Variants in FOCAD observed in about 807,000 individuals in gnomAD.
FOCAD encodes focadhesin.
A neutral mutation model predicts 225.6 loss-of-function variants in FOCAD; 198 were observed. The observed-to-expected ratio is 0.88, with a 90% CI of 0.78 to 0.99. The LOEUF is 0.99. Among genes scored for constraint, FOCAD ranks in the 50% least tolerant of loss-of-function variants. The pLI, the probability that FOCAD is intolerant of heterozygous loss-of-function variation, is 0.00. For synonymous variants in FOCAD, 897 were observed against 755.0 expected (o/e 1.19, Z -3.08); for missense variants, 2,713 against 2,123.6 (o/e 1.28, Z -5.46).
chr9:20,829,413 ATC>A (rs1587330427), intron 15 of FOCAD, among the ~76,000 whole-genome samples: 1 of 135,558 alleles, frequency 7.4e-6, no homozygotes, highest in Admixed American at 7.9e-5. Flanking sequence ...ACTTTTTATT[ATC>A]TGTTTTTTTT....
At chr9:20,986,486 A>C (rs372164196) in intron 40 of FOCAD, 21 bp downstream of exon 40, 8 of 1,569,544 alleles carry the variant, frequency 5.1e-6, no homozygotes, top group Non-Finnish European at 6.9e-6. Context: ...CCTGGGGTGA[A>C]CATCAGAAAC....
chr9:20,856,211 A>T (rs1828165059), intron 15 of FOCAD, among the ~76,000 whole-genome samples: 1 of 151,948 alleles, frequency 6.6e-6, no homozygotes, highest in African/African-American at 2.4e-5. Context: ...TTACATTCCT[A>T]CCAACAGTGT....
At chr9:20,814,121 A>G (rs985192862) in intron 11 of FOCAD, among the ~76,000 whole-genome samples, 2 of 151,914 alleles carry the variant, frequency 1.3e-5, no homozygotes, top group Admixed American at 6.6e-5. Context: ...TTATAGTGGG[A>G]TCTTGTTTGG....
chr9:20,934,243 T>A (rs1233884377), intron 28 of FOCAD, among the ~76,000 whole-genome samples: 4 of 152,158 alleles, frequency 2.6e-5, no homozygotes, highest in Non-Finnish European at 5.9e-5. Context: ...CGTTTTTAAC[T>A]GCATTTGCTT....
intron 10 of FOCAD, chr9:20,786,996 C>T (rs1277375863): frequency 6.2e-6 from 3 of 482,194 alleles, no homozygotes; most frequent in Non-Finnish European, 1.2e-5. Flanking sequence ...AGAGAAAACG[C>T]TTGATTGCAT....
At chr9:20,925,515 C>T (rs190030659) in intron 25 of FOCAD, among the ~76,000 whole-genome samples, 3 of 152,272 alleles carry the variant, frequency 2.0e-5, no homozygotes, top group Non-Finnish European at 4.4e-5. Flanking sequence ...AATTCAAGAC[C>T]TCATTATTTG....
At chr9:20,760,384 A>G (rs1196609610) in intron 6 of FOCAD, among the ~76,000 whole-genome samples, 1 of 152,254 alleles carries the variant, frequency 6.6e-6, no homozygotes, top group African/African-American at 2.4e-5. Flanking sequence ...CTAATATGTC[A>G]TAGTAGGCTT....
chr9:20,671,310 C>G (rs142521003), intron 2 of FOCAD, among the ~76,000 whole-genome samples: 75 of 152,146 alleles, frequency 4.9e-4, no homozygotes, highest in Non-Finnish European at 9.1e-4. Flanking sequence ...GGAAAAAGCT[C>G]TTGAGACTGG....
chr9:20,748,998 A>G (rs1030469209), intron 5 of FOCAD, among the ~76,000 whole-genome samples: 1 of 152,120 alleles, frequency 6.6e-6, no homozygotes, highest in Non-Finnish European at 1.5e-5. Context: ...TTTGCCTATT[A>G]TCCTATTTGT....
At chr9:20,913,093 A>G (rs1833574675) in intron 23 of FOCAD, 139 bp downstream of exon 23, 2 of 612,750 alleles carry the variant, frequency 3.3e-6, no homozygotes, top group Non-Finnish European at 5.8e-6. Context: ...AGAAGAGCTG[A>G]TAGGTGTATT....
chr9:20,768,252 G>A (rs1172309913), intron 7 of FOCAD, among the ~76,000 whole-genome samples: 2 of 150,282 alleles, frequency 1.3e-5, no homozygotes, highest in Non-Finnish European at 3.0e-5. Flanking sequence ...TTTGAAGTCA[G>A]GTAGTGTGAT....
intron 19 of FOCAD, among the ~76,000 whole-genome samples, chr9:20,876,927 A>G (rs1417267606): frequency 1.3e-5 from 2 of 152,200 alleles, no homozygotes; most frequent in Non-Finnish European, 2.9e-5. Flanking sequence ...AGGAATTTGC[A>G]TTATTTAAAT....
chr9:20,690,706 C>T (rs1822917360), intron 1 of FOCAD, among the ~76,000 whole-genome samples: 1 of 152,030 alleles, frequency 6.6e-6, no homozygotes, highest in South Asian at 2.1e-4. Flanking sequence ...TGCCACCATA[C>T]CTGGCTAATT....
intron 12 of FOCAD, 112 bp from the exon 13 acceptor site, chr9:20,820,212 A>C: frequency 1.4e-6 from 1 of 717,838 alleles, no homozygotes; most frequent in South Asian, 2.1e-5. Flanking sequence ...TATTGCAGCA[A>C]GCTTTCTTCT....
At chr9:20,661,939 T>C (rs1272639316) in intron 2 of FOCAD, among the ~76,000 whole-genome samples, 2 of 152,158 alleles carry the variant, frequency 1.3e-5, no homozygotes, top group Non-Finnish European at 2.9e-5. Flanking sequence ...ATTCTTTATA[T>C]ATTGACATGA....
At chr9:20,793,955 G>A (rs1278825508) in intron 11 of FOCAD, among the ~76,000 whole-genome samples, 2 of 152,182 alleles carry the variant, frequency 1.3e-5, no homozygotes, top group Non-Finnish European at 2.9e-5. Context: ...ACCGTGGCCA[G>A]ACAACCTGAA....
At chr9:20,775,299 G>A (rs896307831) in intron 8 of FOCAD, among the ~76,000 whole-genome samples, 1 of 152,110 alleles carries the variant, frequency 6.6e-6, no homozygotes, top group African/African-American at 2.4e-5. Flanking sequence ...AGCAAAATTA[G>A]GCAAAAATGA....
chr9:20,852,783 T>C (rs1459699948), intron 15 of FOCAD, among the ~76,000 whole-genome samples: 1 of 151,806 alleles, frequency 6.6e-6, no homozygotes, highest in Non-Finnish European at 1.5e-5. Context: ...ACAGCCTCTT[T>C]AGCCCTTTTT....
At chr9:20,795,513 C>T (rs1010621646) in intron 11 of FOCAD, among the ~76,000 whole-genome samples, 11 of 151,076 alleles carry the variant, frequency 7.3e-5, no homozygotes, top group East Asian at 2.0e-4. Flanking sequence ...GGGCCGGGCA[C>T]GCTGGCTCAT....
Sources: gnomAD v4.1 joint callset for allele counts (sites outside exome capture counted in the v4.1 genomes callset) on GRCh38, gnomAD v4.1.1 for gene constraint, MANE v1.5 for transcripts, NCBI Gene and HGNC (gene_info 2026-07-23, HGNC 2026-07-21) for gene names.